TTC29: variants seen among roughly 807,000 people sequenced by gnomAD.
The protein encoded by TTC29 is tetratricopeptide repeat protein 29.
A neutral mutation model predicts 58.1 loss-of-function variants in TTC29; 49 were observed. The observed-to-expected ratio is 0.84, with a 90% confidence interval of 0.67 to 1.07. The LOEUF (loss-of-function observed/expected upper bound fraction) is 1.07, where lower values mean the gene tolerates loss of function less well. Among genes scored for constraint, TTC29 ranks in the 50% least tolerant of loss-of-function variants. TTC29 has a pLI of 0.00. For missense variants in TTC29, 582 were observed against 555.6 expected (o/e 1.05, Z -0.48); for synonymous variants, 209 against 196.8 (o/e 1.06, Z -0.52).
At position 146,706,905 on chromosome 4, in the gene TTC29, G is replaced by C; in HGVS notation, c.*253C>G. 3.1e-6 allele frequency: 1 copy of C among 321,598 alleles called. No individual in the cohort carries two copies. The highest frequency in any genetic ancestry group is 5.6e-6 in the Non-Finnish European group (1 of 178,226). 19.9% of individuals were successfully genotyped at this position (321,598 alleles called of 1,614,324 possible). A position where few individuals can be genotyped will look rare whatever the true frequency, so the allele number is the denominator to read the frequency against. ...TATCACTATTTCTTGTGGAATAGTGGATAAGAGGAAATCATTTATTTCATG... is the reference window on the plus strand; with the variant it reads ...TATCACTATTTCTTGTGGAATAGTGCATAAGAGGAAATCATTTATTTCATG... On this transcript the variant is annotated 3_prime_UTR_variant, in exon 13 of 13. Coordinates refer to ENST00000325106, the MANE Select transcript of TTC29 (RefSeq NM_031956.4).
At chr4:146,714,392 A>T (rs917576562) in intron 11 of TTC29, among the ~76,000 whole-genome samples, 1 of 152,178 alleles carries the variant, frequency 6.6e-6, no homozygotes, top group Non-Finnish European at 1.5e-5. Flanking sequence ...AGTCAAAAAG[A>T]TGAACATATT....
intron 9 of TTC29, 44 bp downstream of exon 9, chr4:146,833,762 G>T: frequency 6.8e-7 from 1 of 1,468,794 alleles, no homozygotes; most frequent in South Asian, 1.1e-5. Flanking sequence ...TTTCACAGTT[G>T]AGTGAATTCA....
intron 10 of TTC29, among the ~76,000 whole-genome samples, chr4:146,810,068 G>C (rs28431952): frequency 6.6e-6 from 1 of 152,232 alleles, no homozygotes; most frequent in Non-Finnish European, 1.5e-5. Flanking sequence ...ATACACCATG[G>C]AATACTATGC....
At chr4:146,728,316 G>A (rs1289057850) in intron 11 of TTC29, among the ~76,000 whole-genome samples, 2 of 151,004 alleles carry the variant, frequency 1.3e-5, no homozygotes, top group Admixed American at 1.3e-4. Flanking sequence ...AAGATTCCAC[G>A]CAGCAATGTA....
chr4:146,929,862 A>C (rs1735188491), intron 4 of TTC29, among the ~76,000 whole-genome samples: 2 of 151,996 alleles, frequency 1.3e-5, no homozygotes, highest in Admixed American at 1.3e-4. Flanking sequence ...GCCTGTATTT[A>C]ATATGACTTA....
At chr4:146,745,767 G>A (rs986734897) in intron 11 of TTC29, among the ~76,000 whole-genome samples, 1 of 152,130 alleles carries the variant, frequency 6.6e-6, no homozygotes. Flanking sequence ...TGTCAATAGT[G>A]TGGAATACAT....
intron 11 of TTC29, among the ~76,000 whole-genome samples, chr4:146,753,458 T>G (rs983780092): frequency 6.6e-6 from 1 of 152,226 alleles, no homozygotes; most frequent in Non-Finnish European, 1.5e-5. Context: ...TTGGTGGGAC[T>G]GTAAACTAGT....
intron 6 of TTC29, among the ~76,000 whole-genome samples, chr4:146,897,684 GC>G (rs1157955282): frequency 1.3e-5 from 2 of 152,216 alleles, no homozygotes; most frequent in African/African-American, 4.8e-5. Context: ...CCAGCACCCT[GC>G]TATTGCTCCT....
chr4:146,869,713 C>T (rs535612924), intron 7 of TTC29, among the ~76,000 whole-genome samples: 1 of 152,148 alleles, frequency 6.6e-6, no homozygotes, highest in South Asian at 2.1e-4. Context: ...TGAGTGGAAG[C>T]TCAGCAAAGA....
At chr4:146,903,423 T>A in intron 6 of TTC29, 121 bp downstream of exon 6, 2 of 895,830 alleles carry the variant, frequency 2.2e-6, no homozygotes, top group Non-Finnish European at 3.3e-6. Context: ...TTGATCTCAA[T>A]AATATACATG....
chr4:146,862,929 T>C (rs1579854738), intron 8 of TTC29, among the ~76,000 whole-genome samples: 1 of 152,010 alleles, frequency 6.6e-6, no homozygotes, highest in East Asian at 1.9e-4. Context: ...GAGACCATTC[T>C]GGCTAACACG....
intron 11 of TTC29, among the ~76,000 whole-genome samples, chr4:146,772,780 A>G (rs535855855): frequency 1.0e-3 from 153 of 152,186 alleles, no homozygotes; most frequent in African/African-American, 3.5e-3. Context: ...TGGCAGTTTG[A>G]CAGGAATAGC....
chr4:146,893,281 T>C (rs186208620), intron 6 of TTC29, among the ~76,000 whole-genome samples: 14,777 of 152,094 alleles, frequency 0.097, 896 homozygotes, highest in East Asian at 0.19. Flanking sequence ...CTTCAAACTA[T>C]ACTACAAGGC....
chr4:146,715,572 G>A (rs887404163), intron 11 of TTC29, among the ~76,000 whole-genome samples: 2 of 152,068 alleles, frequency 1.3e-5, no homozygotes, highest in African/African-American at 4.8e-5. Flanking sequence ...TCCAGCTCTT[G>A]GAAGTAGAGA....
At chr4:146,740,691 A>T (rs1184104576) in intron 11 of TTC29, among the ~76,000 whole-genome samples, 1 of 152,092 alleles carries the variant, frequency 6.6e-6, no homozygotes, top group Non-Finnish European at 1.5e-5. Context: ...TAGATATAAA[A>T]TCATCCTAAA....
intron 6 of TTC29, among the ~76,000 whole-genome samples, chr4:146,897,256 G>C (rs981331713): frequency 2.0e-5 from 3 of 152,044 alleles, no homozygotes; most frequent in Non-Finnish European, 4.4e-5. Context: ...GAGAGGTAGG[G>C]GTTAACACAT....
chr4:146,713,319 A>G (rs1334638892), intron 11 of TTC29, among the ~76,000 whole-genome samples: 1 of 126,530 alleles, frequency 7.9e-6, no homozygotes, highest in Non-Finnish European at 1.7e-5. Context: ...TTGTTCTATA[A>G]TATTGGTTTG....
intron 8 of TTC29, among the ~76,000 whole-genome samples, chr4:146,839,816 C>A (rs1480319245): frequency 1.3e-5 from 2 of 151,754 alleles, no homozygotes; most frequent in African/African-American, 2.4e-5. Context: ...CCCTTTGGTG[C>A]ACCTCCTTTA....
At chr4:146,893,406 A>C (rs547063311) in intron 6 of TTC29, among the ~76,000 whole-genome samples, 1 of 152,182 alleles carries the variant, frequency 6.6e-6, no homozygotes, top group Non-Finnish European at 1.5e-5. Flanking sequence ...TCTTTGACAA[A>C]CCTGAGAAAA....
Sources: gnomAD v4.1 joint callset for allele counts (sites outside exome capture counted in the v4.1 genomes callset) on GRCh38, gnomAD v4.1.1 for gene constraint, MANE v1.5 for transcripts, NCBI Gene and HGNC (gene_info 2026-07-23, HGNC 2026-07-21) for gene names.